Variants in HECW2 observed in about 807,000 individuals in gnomAD.
HECW2 encodes the protein HECT, C2 and WW domain containing E3 ubiquitin protein ligase 2, also known as E3 ubiquitin-protein ligase HECW2.
A neutral mutation model predicts 175.2 loss-of-function variants in HECW2; 61 were observed. That is an observed-to-expected ratio of 0.35 (90% CI 0.28 to 0.43). The LOEUF (loss-of-function observed/expected upper bound fraction) is 0.43, where lower values mean the gene tolerates loss of function less well. HECW2 is among the 20% of genes least tolerant of loss of function. HECW2 has a pLI of 1.00. For synonymous variants in HECW2, 671 were observed against 731.0 expected (o/e 0.92, Z 1.32); for missense variants, 1,524 against 2,000.5 (o/e 0.76, Z 4.54).
intron 2 of HECW2, among the ~76,000 whole-genome samples, chr2:196,409,641 C>G (rs1277799928): frequency 6.6e-6 from 1 of 152,178 alleles, no homozygotes; most frequent in African/African-American, 2.4e-5. Context: ...CAGCCTCCAG[C>G]TGACTCAAGC....
At chr2:196,278,484 G>A (rs1183809578) in intron 15 of HECW2, 44 bp downstream of exon 15, 10 of 1,586,034 alleles carry the variant, frequency 6.3e-6, no homozygotes, top group Non-Finnish European at 7.8e-6. Context: ...CATACTAGAA[G>A]CTTCTATCAA....
rs1337480950 is a variant in HECW2 at position 196,320,031 on chromosome 2, C to T, written c.986-127G>A. Reference sequence around the variant, plus strand: ...ATTCTGAGGGCTTTCTACTGACTTGCTAAGATTCACCACTCACTACTAAAT... The same window carrying T: ...ATTCTGAGGGCTTTCTACTGACTTGTTAAGATTCACCACTCACTACTAAAT... On this transcript the variant is annotated intron_variant, in intron 8 of 28. Transcript: ENST00000644978. 6.3e-6 allele frequency: 6 copies of T among 944,938 alleles called. No homozygotes were observed. In the East Asian group the frequency reaches 1.3e-4, roughly 21 times the overall value. 58.5% of individuals were successfully genotyped at this position (944,938 alleles called of 1,614,324 possible).
chr2:196,496,899 AC>A (rs938878813), intron 1 of HECW2, among the ~76,000 whole-genome samples: 1 of 152,168 alleles, frequency 6.6e-6, no homozygotes, highest in Non-Finnish European at 1.5e-5. Flanking sequence ...ATTTTTCCAA[AC>A]ATTAATGAGT....
intron 1 of HECW2, among the ~76,000 whole-genome samples, chr2:196,575,508 T>C (rs755178945): frequency 2.0e-4 from 30 of 152,048 alleles, no homozygotes; most frequent in Admixed American, 7.9e-4. Context: ...ATGGAAACAG[T>C]CAAATGTCCA....
intron 1 of HECW2, among the ~76,000 whole-genome samples, chr2:196,487,873 C>T (rs1213539699): frequency 6.6e-6 from 1 of 152,218 alleles, no homozygotes; most frequent in Admixed American, 6.5e-5. Flanking sequence ...AATGCAACAT[C>T]TTTATAACAG....
chr2:196,225,439 C>T (rs747471013), intron 23 of HECW2, among the ~76,000 whole-genome samples: 22 of 152,308 alleles, frequency 1.4e-4, no homozygotes, highest in South Asian at 1.0e-3. Flanking sequence ...CACAACAATT[C>T]TATTAATAAT....
At chr2:196,467,252 T>C (rs560481429) in intron 1 of HECW2, among the ~76,000 whole-genome samples, 1 of 152,340 alleles carries the variant, frequency 6.6e-6, no homozygotes, top group African/African-American at 2.4e-5. Flanking sequence ...TCTCTTCCAA[T>C]ACAAAATTAC....
chr2:196,307,124 T>C lies in HECW2; in HGVS notation c.2689+6A>G. The C allele has an allele frequency of 1.3e-6, 2 of 1,593,954 alleles. No homozygotes were observed. Among genetic ancestry groups the C allele is most frequent in the Non-Finnish European group, 1.7e-6 (2 of 1,161,774 alleles). Reference sequence around the variant, plus strand: ...AAATTACAAAAACAAAGCCCAAAGCTCTTACCTGCACTGGCTTGGTGAAAG... The same window carrying C: ...AAATTACAAAAACAAAGCCCAAAGCCCTTACCTGCACTGGCTTGGTGAAAG... On this transcript the variant is annotated splice_donor_region_variant and intron_variant, in intron 12 of 28. Transcript: ENST00000644978.
chr2:196,222,176 C>G, intron 24 of HECW2, 35 bp downstream of exon 24: 1 of 1,595,038 alleles, frequency 6.3e-7, no homozygotes, highest in Non-Finnish European at 8.6e-7. Flanking sequence ...CCTTCAGTTA[C>G]CACACTTAGG....
Position 196,366,441 on chromosome 2 carries a change from C to G in HECW2, c.293-22677G>C, listed in dbSNP as rs189922094. The stretch of plus-strand genomic sequence containing the variant: ...CATTGTGATCCATTACTTTCGTACA[C>G]AAAAATAAATGACCCTCAGTTATCT... On this transcript the variant is annotated intron_variant, in intron 2 of 28. Coordinates refer to ENST00000644978, the MANE Select transcript of HECW2 (RefSeq NM_001348768.2). Among the ~76,000 whole-genome samples, 192 of 152,224 alleles carry G rather than the reference C, an allele frequency of 1.3e-3. 1 individual carries two copies. The highest frequency in any genetic ancestry group is 4.0e-3 in the African/African-American group (167 of 41,540).
intron 1 of HECW2, among the ~76,000 whole-genome samples, chr2:196,570,220 T>A (rs2125512630): frequency 6.6e-6 from 1 of 152,328 alleles, no homozygotes; most frequent in Non-Finnish European, 1.5e-5. Context: ...ATACACTAGA[T>A]GATCCTTATG....
chr2:196,403,387 C>T (rs1694875193), intron 2 of HECW2, among the ~76,000 whole-genome samples: 1 of 152,154 alleles, frequency 6.6e-6, no homozygotes, highest in Non-Finnish European at 1.5e-5. Context: ...TCCATAGAGA[C>T]TATTAAAAAG....
chr2:196,253,133 A>G (rs1313995190), intron 19 of HECW2, among the ~76,000 whole-genome samples: 2 of 152,256 alleles, frequency 1.3e-5, no homozygotes, highest in African/African-American at 4.8e-5. Context: ...CATCTTCATT[A>G]TCATTGCAGT....
At chr2:196,564,858 AAAAAT>A (rs2125504467) in intron 1 of HECW2, among the ~76,000 whole-genome samples, 1 of 152,216 alleles carries the variant, frequency 6.6e-6, no homozygotes, top group Admixed American at 6.5e-5. Flanking sequence ...TTTAAAATTG[AAAAAT>A]AAAATAGCAT....
At chr2:196,286,387 C>CATAT (rs201658582) in intron 14 of HECW2, among the ~76,000 whole-genome samples, 7 of 137,604 alleles carry the variant, frequency 5.1e-5, no homozygotes, top group African/African-American at 8.1e-5. Flanking sequence ...AGATGGAGGT[C>CATAT]ATATATATAT....
At chr2:196,471,736 G>A (rs551232481) in intron 1 of HECW2, among the ~76,000 whole-genome samples, 1 of 152,188 alleles carries the variant, frequency 6.6e-6, no homozygotes, top group Non-Finnish European at 1.5e-5. Flanking sequence ...AATACTACAT[G>A]TTCTCACTTA....
At chr2:196,209,559 C>G (rs1384563889) in intron 28 of HECW2, among the ~76,000 whole-genome samples, 1 of 152,098 alleles carries the variant, frequency 6.6e-6, no homozygotes, top group Non-Finnish European at 1.5e-5. Context: ...AGTCTTGGAC[C>G]TGAGGTTCAA....
chr2:196,341,464 T>C (rs1692749195), intron 3 of HECW2, among the ~76,000 whole-genome samples: 1 of 152,220 alleles, frequency 6.6e-6, no homozygotes, highest in African/African-American at 2.4e-5. Context: ...TATTTCTTCA[T>C]TACTTAGATA....
intron 1 of HECW2, among the ~76,000 whole-genome samples, chr2:196,495,053 A>C (rs1687342118): frequency 1.3e-5 from 2 of 152,006 alleles, no homozygotes; most frequent in South Asian, 4.1e-4. Context: ...AAAGTTGGTA[A>C]AATGTAACAT....
Sources: allele counts gnomAD v4.1 joint callset (sites outside exome capture counted in the v4.1 genomes callset), GRCh38; gene constraint gnomAD v4.1.1; transcripts MANE v1.5; gene names NCBI Gene and HGNC (gene_info 2026-07-23, HGNC 2026-07-21).